The following AHCYL2 variants were observed in gnomAD, a reference collection of about 807,000 sequenced individuals.
AHCYL2 encodes the protein S-adenosylhomocysteine hydrolase-like protein 2.
Under a neutral mutation model 81.4 loss-of-function variants are expected in AHCYL2, and 28 were observed. The observed-to-expected ratio is 0.34, with a 90% CI of 0.25 to 0.47. The LOEUF is 0.47. Among genes scored for constraint, AHCYL2 ranks in the 20% least tolerant of loss-of-function variants. The pLI is 1.00. For missense variants in AHCYL2, 551 were observed against 785.1 expected (o/e 0.70, Z 3.56); for synonymous variants, 272 against 290.2 (o/e 0.94, Z 0.64).
At chr7:129,230,239 C>A (rs899755401) in intron 1 of AHCYL2, among the ~76,000 whole-genome samples, 4 of 151,818 alleles carry the variant, frequency 2.6e-5, no homozygotes, top group African/African-American at 9.7e-5. Flanking sequence ...TGTGCCACCA[C>A]ACCCGGCTGA....
intron 1 of AHCYL2, among the ~76,000 whole-genome samples, chr7:129,330,470 ATTT>A (rs34481793): frequency 1.4e-5 from 2 of 139,136 alleles, no homozygotes; most frequent in Non-Finnish European, 3.1e-5. Flanking sequence ...ACTCTGGTAC[ATTT>A]TTTTTTTTTT....
At chr7:129,337,905 G>A (rs1275068855) in intron 1 of AHCYL2, among the ~76,000 whole-genome samples, 2 of 151,548 alleles carry the variant, frequency 1.3e-5, no homozygotes, top group African/African-American at 2.4e-5. Context: ...CACCATGCCT[G>A]GCTAATTTTG....
intron 1 of AHCYL2, among the ~76,000 whole-genome samples, chr7:129,366,215 G>A (rs1363775339): frequency 6.6e-6 from 1 of 152,044 alleles, no homozygotes; most frequent in African/African-American, 2.4e-5. Context: ...TATTTCGCCT[G>A]CTCTCCACCC....
At chr7:129,281,354 A>G (rs888283859) in intron 1 of AHCYL2, among the ~76,000 whole-genome samples, 2 of 152,056 alleles carry the variant, frequency 1.3e-5, no homozygotes, top group Non-Finnish European at 2.9e-5. Context: ...GTATTAGGAT[A>G]ATGCTGACAT....
intron 1 of AHCYL2, among the ~76,000 whole-genome samples, chr7:129,232,897 A>G (rs1794496835): frequency 1.3e-5 from 2 of 152,166 alleles, no homozygotes; most frequent in South Asian, 2.1e-4. Context: ...AAGTGACCTC[A>G]TATCCTTTCT....
At chr7:129,230,440 A>C (rs1329922442) in intron 1 of AHCYL2, among the ~76,000 whole-genome samples, 1 of 152,092 alleles carries the variant, frequency 6.6e-6, no homozygotes. Context: ...TTATTGAAGA[A>C]ACTGAGTGTC....
intron 1 of AHCYL2, among the ~76,000 whole-genome samples, chr7:129,308,002 A>G (rs1563190232): frequency 6.6e-6 from 1 of 151,840 alleles, no homozygotes; most frequent in Non-Finnish European, 1.5e-5. Flanking sequence ...CTCCTCAAGC[A>G]GAAGAAAGGG....
intron 1 of AHCYL2, among the ~76,000 whole-genome samples, chr7:129,280,177 A>C (rs368856207): frequency 6.5e-5 from 1 of 15,432 alleles, no homozygotes; most frequent in African/African-American, 9.7e-5. Context: ...TTTGCTAAAT[A>C]CTTTTTTTTT....
rs1356917215 is a variant in AHCYL2, at chr7:129,230,181, C to T, written c.363+4742C>T. 5.5e-5 allele frequency among the ~76,000 whole-genome samples: 8 copies of T among 146,446 alleles called. No homozygotes were observed. The Admixed American group carries it at 5.7e-4, about 10-fold the overall frequency. On this transcript the variant is annotated intron_variant, in intron 1 of 16. Transcript: ENST00000325006. ...CACTGAAACCTCCGCCTCCTGGGTT[C>T]AAGCGATTCTCCTGTCTTGCCCTCC...
At chr7:129,344,556 C>G (rs2150820694) in intron 1 of AHCYL2, among the ~76,000 whole-genome samples, 1 of 152,180 alleles carries the variant, frequency 6.6e-6, no homozygotes, top group Non-Finnish European at 1.5e-5. Context: ...AGTAACAGAA[C>G]AGATCAGTGG....
intron 1 of AHCYL2, among the ~76,000 whole-genome samples, chr7:129,316,805 C>T (rs1037258807): frequency 1.3e-5 from 2 of 152,056 alleles, no homozygotes; most frequent in Non-Finnish European, 2.9e-5. Flanking sequence ...TGGAGGAATT[C>T]GGCCAAATGT....
intron 1 of AHCYL2, among the ~76,000 whole-genome samples, chr7:129,348,190 G>A (rs765478063): frequency 1.3e-5 from 2 of 152,170 alleles, no homozygotes; most frequent in Non-Finnish European, 2.9e-5. Flanking sequence ...CACAAGGTAG[G>A]AGCAATCTAA....
At chr7:129,360,533 C>G (rs1793895495) in intron 1 of AHCYL2, among the ~76,000 whole-genome samples, 2 of 152,164 alleles carry the variant, frequency 1.3e-5, no homozygotes, top group African/African-American at 4.8e-5. Flanking sequence ...GCTTGCAGTA[C>G]CAGTGTGGAA....
At chr7:129,348,175 A>G (rs1793428344) in intron 1 of AHCYL2, among the ~76,000 whole-genome samples, 1 of 152,228 alleles carries the variant, frequency 6.6e-6, no homozygotes, top group African/African-American at 2.4e-5. Flanking sequence ...GTGATAAACA[A>G]ATAGCACAAG....
At chr7:129,256,123 T>C (rs1479751580) in intron 1 of AHCYL2, among the ~76,000 whole-genome samples, 3 of 152,224 alleles carry the variant, frequency 2.0e-5, no homozygotes, top group Admixed American at 1.3e-4. Context: ...CTTTATTTTT[T>C]CTGATGACTT....
intron 1 of AHCYL2, among the ~76,000 whole-genome samples, chr7:129,229,040 T>C (rs1045585529): frequency 2.7e-5 from 4 of 145,656 alleles, no homozygotes; most frequent in African/African-American, 1.0e-4. Context: ...TGGTCTGTAA[T>C]AATAGTTACC....
At chr7:129,425,700 AGT>A (rs1240206490) in intron 15 of AHCYL2, among the ~76,000 whole-genome samples, 2 of 152,244 alleles carry the variant, frequency 1.3e-5, no homozygotes, top group African/African-American at 4.8e-5. Flanking sequence ...GAACTGATAC[AGT>A]GTGTTTATAA....
intron 1 of AHCYL2, among the ~76,000 whole-genome samples, chr7:129,361,724 G>T (rs1424068064): frequency 6.6e-6 from 1 of 151,716 alleles, no homozygotes; most frequent in Non-Finnish European, 1.5e-5. Context: ...CAAACTCTTG[G>T]GCTCTATCCT....
chr7:129,348,558 A>G (rs1435197603), intron 1 of AHCYL2, among the ~76,000 whole-genome samples: 1 of 152,206 alleles, frequency 6.6e-6, no homozygotes, highest in African/African-American at 2.4e-5. Flanking sequence ...GCCATAGTTA[A>G]AAACAAATGA....
Sources: gnomAD v4.1 joint callset for allele counts (sites outside exome capture counted in the v4.1 genomes callset) on GRCh38, gnomAD v4.1.1 for gene constraint, MANE v1.5 for transcripts, NCBI Gene and HGNC (gene_info 2026-07-23, HGNC 2026-07-21) for gene names.